The following HCFC2 variants were observed in gnomAD, a reference collection of about 807,000 sequenced individuals.
The protein encoded by HCFC2 is host cell factor 2.
HCFC2 carries 18 observed loss-of-function variants against 89.2 expected under a neutral mutation model. The observed-to-expected ratio is 0.20, with a 90% CI of 0.14 to 0.30. The LOEUF is 0.30. Ranked by LOEUF, HCFC2 falls within the 10% of genes least tolerant of loss-of-function variation. The pLI is 1.00. For missense variants in HCFC2, 578 were observed against 956.1 expected (o/e 0.60, Z 5.21); for synonymous variants, 308 against 335.7 (o/e 0.92, Z 0.90).
chr12:104,075,445 T>A (rs947122327), intron 3 of HCFC2, among the ~76,000 whole-genome samples: 1 of 145,790 alleles, frequency 6.9e-6, no homozygotes, highest in Non-Finnish European at 1.5e-5. Flanking sequence ...TCTTTCAACT[T>A]TTGTTCCTAA....
In HCFC2 at chr12:104,066,319, A is replaced by G; in HGVS notation, c.312+4A>G. The G allele has an allele frequency of 3.2e-6, 5 of 1,576,448 alleles. No individual in the cohort carries two copies. The highest frequency in any genetic ancestry group is 4.3e-6 in the Non-Finnish European group (5 of 1,162,820). ...CAATGAGTTATATGAGTTACAAGTA[A>G]GTGTATTTAATATTGTTTCATTCTG... is the stretch of plus-strand genomic sequence containing the variant. On this transcript the variant is annotated splice_donor_region_variant and intron_variant, in intron 2 of 14. Coordinates refer to ENST00000229330, the MANE Select transcript of HCFC2 (RefSeq NM_013320.3).
At chr12:104,085,281 G>A (rs995764097) in intron 7 of HCFC2, among the ~76,000 whole-genome samples, 1 of 151,878 alleles carries the variant, frequency 6.6e-6, no homozygotes, top group African/African-American at 2.4e-5. Flanking sequence ...TAAGATAGTT[G>A]AAAAAATAAT....
intron 9 of HCFC2, among the ~76,000 whole-genome samples, chr12:104,090,044 C>T (rs778441200): frequency 3.3e-5 from 5 of 152,146 alleles, no homozygotes; most frequent in Non-Finnish European, 7.3e-5. Flanking sequence ...GAATTTATCT[C>T]TTTCCTGTGT....
rs1162810287 is a variant in HCFC2 at position 104,104,652 on chromosome 12, T to G, written c.*1379T>G. 1 of 151,996 alleles carries G rather than the reference T, an allele frequency of 6.6e-6. No homozygotes were observed. Among genetic ancestry groups the G allele is most frequent in the Non-Finnish European group, 1.5e-5 (1 of 67,862 alleles). 9.4% of individuals were successfully genotyped at this position (151,996 alleles called of 1,614,324 possible). On this transcript the variant is annotated 3_prime_UTR_variant, in exon 15 of 15. Coordinates refer to ENST00000229330, the MANE Select transcript of HCFC2 (RefSeq NM_013320.3). Reference sequence around the variant, plus strand: ...TAATTGTGCAGAATTGATATATATGTGTGTTCCAGTTACTAATTTAAAGTG... The same window carrying G: ...TAATTGTGCAGAATTGATATATATGGGTGTTCCAGTTACTAATTTAAAGTG...
chr12:104,077,711 G>C (rs1262272679), intron 3 of HCFC2, among the ~76,000 whole-genome samples: 1 of 151,260 alleles, frequency 6.6e-6, no homozygotes, highest in African/African-American at 2.4e-5. Context: ...GCATACCTTA[G>C]TTGCTTGGAA....
intron 2 of HCFC2, 28 bp from the exon 3 acceptor site, chr12:104,067,919 A>C (rs1593588471): frequency 6.4e-7 from 1 of 1,557,016 alleles, no homozygotes; most frequent in African/African-American, 1.4e-5. Context: ...ATTTTGTCTG[A>C]CTGTATTTGT....
In HCFC2 at chr12:104,102,947, C is replaced by A. The variant is rs766498547; in HGVS notation, c.2065-12C>A. The A allele has an allele frequency of 1.1e-5, 18 of 1,585,544 alleles. No homozygotes were observed. Among genetic ancestry groups the A allele is most frequent in the Middle Eastern group, 1.7e-4 (1 of 5,924 alleles). Reference sequence around the variant, plus strand: ...AAGAACCTTTAACCTGTTTTTTCCCCCCCCCTTCAAGAATGTTGAAGGTAT... The same window carrying A: ...AAGAACCTTTAACCTGTTTTTTCCCACCCCCTTCAAGAATGTTGAAGGTAT... On this transcript the variant is annotated splice_polypyrimidine_tract_variant and intron_variant, in intron 14 of 14. Transcript: ENST00000229330.
Position 104,086,955 on chromosome 12 carries a change from G to A in HCFC2, c.1172G>A (p.Ser391Asn), listed in dbSNP as rs1266837635. The change falls in exon 8 of 15, where the codon AGT (serine) becomes AAT (asparagine). Residue 391 changes from serine to asparagine, a missense_variant. Ser to Asn is a conservative substitution (Grantham distance 46). This residue lies in a region of HCFC2 where 210 missense variants were observed against 251.7 expected (regional missense o/e 0.83). Coordinates refer to ENST00000229330, the MANE Select transcript of HCFC2 (RefSeq NM_013320.3). Reference protein sequence around the residue: ...STVEGYLLQLSTDLPYQAASS... With the variant: ...STVEGYLLQLNTDLPYQAASS... ...GTTGAGGGCTATCTTTTGCAGTTGA[G>A]TACAGACTTGCCATACCAAGCTGCA... is the stretch of plus-strand genomic sequence containing the variant. 3.1e-6 allele frequency: 5 copies of A among 1,613,980 alleles called. No homozygotes were observed. The South Asian group carries it at 5.5e-5, about 18-fold the overall frequency.
rs1294285350 is a variant in HCFC2, at chr12:104,103,145, G to A, written c.2251G>A (p.Ala751Thr). Reference protein sequence around the residue: ...CIVTAGQLANAHIDYTSRPAI... With the variant: ...CIVTAGQLANTHIDYTSRPAI... Reference sequence around the variant, plus strand: ...AGTAACTGCTGGGCAACTTGCAAATGCACATATTGATTATACATCCAGGCC... The same window carrying A: ...AGTAACTGCTGGGCAACTTGCAAATACACATATTGATTATACATCCAGGCC... Residue 751 changes from alanine (A) to threonine (T), a missense_variant, in exon 15 of 15, where the codon GCA becomes ACA. Ala to Thr is a moderately conservative substitution (Grantham distance 58). Around this residue, in one of 4 missense-constraint regions of HCFC2, gnomAD observed 140 missense variants for 266.4 expected, o/e 0.53. Coordinates refer to ENST00000229330, the MANE Select transcript of HCFC2 (RefSeq NM_013320.3). 2 of 1,614,016 alleles carry A rather than the reference G, an allele frequency of 1.2e-6. No individual in the cohort carries two copies. Among genetic ancestry groups the A allele is most frequent in the East Asian group, 2.2e-5 (1 of 44,890 alleles).
intron 5 of HCFC2, among the ~76,000 whole-genome samples, chr12:104,081,904 CAAAAA>C (rs761929991): frequency 4.8e-5 from 3 of 62,566 alleles, no homozygotes. Context: ...GATCCTGTCT[CAAAAA>C]AAAAAAAAAA....
rs1883219896 is a variant in HCFC2 at position 104,068,466 on chromosome 12, AT to A, written c.473+363del. 6.6e-6 allele frequency among the ~76,000 whole-genome samples: 1 copy of A among 152,198 alleles called. No individual in the cohort carries two copies. Among genetic ancestry groups the A allele is most frequent in the South Asian group, 2.1e-4 (1 of 4,830 alleles). On this transcript the variant is annotated intron_variant, in intron 3 of 14. Coordinates refer to ENST00000229330, the MANE Select transcript of HCFC2 (RefSeq NM_013320.3). This position sits in a 1 kb window ranked among gnomAD's most constrained non-coding sequence, Gnocchi z 4.1. ...TGATAATGAAAAGTAACAGATGGTT[AT>A]TTTAAAATTAGATTTCTCTGGGAAT...
chr12:104,067,557 A>T (rs1883187374), intron 2 of HCFC2, among the ~76,000 whole-genome samples: 1 of 152,226 alleles, frequency 6.6e-6, no homozygotes, highest in African/African-American at 2.4e-5. Context: ...AATGAGCTTT[A>T]TGTTTACCTT....
intron 3 of HCFC2, among the ~76,000 whole-genome samples, chr12:104,070,232 G>A (rs1261587810): frequency 6.6e-6 from 1 of 151,938 alleles, no homozygotes; most frequent in Non-Finnish European, 1.5e-5. Context: ...GTTTCACCGC[G>A]TTAGCCAGGA....
intron 7 of HCFC2, among the ~76,000 whole-genome samples, chr12:104,085,995 A>ATTTTTT (rs774649121): frequency 9.1e-6 from 1 of 109,344 alleles, no homozygotes; most frequent in African/African-American, 3.5e-5. Flanking sequence ...TCCTCCCACC[A>ATTTTTT]TTTTTTTTTT....
chr12:104,068,104 C>T lies in HCFC2; in HGVS notation c.470C>T (p.Pro157Leu). 6.3e-7 allele frequency: 1 copy of T among 1,586,500 alleles called. No individual in the cohort carries two copies. The highest frequency in any genetic ancestry group is 1.2e-5 in the South Asian group (1 of 85,248). Reference sequence around the variant, plus strand: ...AGCGAAGATTCAAACAATAATGTTCCCAGGTATGCTGACTCTTTCAGACCA... The same window carrying T: ...AGCGAAGATTCAAACAATAATGTTCTCAGGTATGCTGACTCTTTCAGACCA... ...NESEDSNNNV[P>L]RYLNDFYELE... The change falls in exon 3 of 15, where the codon CCC becomes CTC. Residue 157 changes from proline (P) to leucine (L), a missense_variant. Pro to Leu is a moderately conservative substitution (Grantham distance 98, BLOSUM62 -3). This residue lies in a region of HCFC2 where 206 missense variants were observed against 419.2 expected (regional missense o/e 0.49). Coordinates refer to ENST00000229330, the MANE Select transcript of HCFC2 (RefSeq NM_013320.3). The surrounding 1 kb of genome is among the most constrained non-coding windows in gnomAD (Gnocchi z 4.1).
At chr12:104,101,927 G>T in intron 13 of HCFC2, 41 bp from the exon 14 acceptor site, 1 of 1,324,802 alleles carries the variant, frequency 7.5e-7, no homozygotes, top group Non-Finnish European at 1.0e-6. Context: ...TAATATATTA[G>T]TTGTACCTTT....
intron 13 of HCFC2, among the ~76,000 whole-genome samples, chr12:104,101,591 G>A (rs891570320): frequency 6.6e-6 from 1 of 152,136 alleles, no homozygotes; most frequent in Non-Finnish European, 1.5e-5. Context: ...ATTATTTGAC[G>A]GTATATCTTC....
At position 104,082,882 on chromosome 12, in the gene HCFC2, T is replaced by C; in HGVS notation, c.1044T>C (p.Asp348=). 2 of 1,602,934 alleles carry C rather than the reference T, an allele frequency of 1.2e-6. No individual in the cohort carries two copies. Among genetic ancestry groups the C allele is most frequent in the Admixed American group, 1.8e-5 (1 of 57,082 alleles). Residue 348 remains aspartate, a synonymous_variant, in exon 7 of 15, where the codon GAT becomes GAC. Coordinates refer to ENST00000229330, the MANE Select transcript of HCFC2 (RefSeq NM_013320.3). ...KALNSQVCCK[D]LWYLDTEKPP... ...TGAATAGTCAAGTTTGCTGCAAGGATCTTTGGTATCTTGATACTGGTAGGT... is the reference window on the plus strand; with the variant it reads ...TGAATAGTCAAGTTTGCTGCAAGGACCTTTGGTATCTTGATACTGGTAGGT...
chr12:104,087,955 A>C, intron 8 of HCFC2, 31 bp from the exon 9 acceptor site: 1 of 1,394,122 alleles, frequency 7.2e-7, no homozygotes, highest in Non-Finnish European at 9.9e-7. Context: ...AGTTAAGAGC[A>C]TATCAGTCTG....
Sources: allele counts gnomAD v4.1 joint callset (sites outside exome capture counted in the v4.1 genomes callset), GRCh38; gene constraint gnomAD v4.1.1; regional missense constraint gnomAD v4.1.1; non-coding constraint Gnocchi (gnomAD v3.1); transcripts MANE v1.5; gene names NCBI Gene and HGNC (gene_info 2026-07-23, HGNC 2026-07-21).